The following CHRNB1 variants were observed in gnomAD, a reference collection of about 807,000 sequenced individuals.
CHRNB1 encodes acetylcholine receptor subunit beta.
A neutral mutation model predicts 53.8 loss-of-function variants in CHRNB1; 47 were observed. That is an observed-to-expected ratio of 0.87 (90% CI 0.69 to 1.11). The LOEUF is 1.11. Ranked by LOEUF, CHRNB1 falls within the 50% of genes most tolerant of loss-of-function variation. The pLI is 0.00. For missense variants in CHRNB1, 605 were observed against 654.9 expected, an observed-to-expected ratio of 0.92 and a Z score of 0.83; for synonymous variants, 259 against 263.5, an observed-to-expected ratio of 0.98 and a Z score of 0.16.
Position 7,445,628 on chromosome 17 carries a change from C to T in CHRNB1, c.198+219C>T. 1.4e-6 allele frequency: 2 copies of T among 1,432,908 alleles called. No individual in the cohort carries two copies. The highest frequency in any genetic ancestry group is 1.8e-6 in the Non-Finnish European group (2 of 1,094,480). 88.8% of individuals were successfully genotyped at this position (1,432,908 alleles called of 1,614,324 possible). A position where few individuals can be genotyped will look rare whatever the true frequency, so the allele number is the denominator to read the frequency against. ...GAGTAGAACTGGGTAGGGTGAAGGA[C>T]GGACCTGTGATCGGACCTTAAAGTG... On this transcript the variant is annotated intron_variant, in intron 2 of 10. Coordinates refer to ENST00000306071, the MANE Select transcript of CHRNB1 (RefSeq NM_000747.3). The surrounding 1 kb of genome is among the most constrained non-coding windows in gnomAD (Gnocchi z 5.7).
intron 9 of CHRNB1, 120 bp downstream of exon 9, chr17:7,455,576 G>C: frequency 7.6e-7 from 1 of 1,318,952 alleles, no homozygotes; most frequent in African/African-American, 1.4e-5. Flanking sequence ...CATGGGAGTT[G>C]TAGTACTCCT....
intron 7 of CHRNB1, among the ~76,000 whole-genome samples, chr17:7,453,279 A>T (rs1354148448): frequency 6.6e-6 from 1 of 151,836 alleles, no homozygotes; most frequent in African/African-American, 2.4e-5. Context: ...CACCATGCCC[A>T]GCTAATTTTT....
At chr17:7,451,759 G>A (rs1054294258) in intron 7 of CHRNB1, among the ~76,000 whole-genome samples, 2 of 152,154 alleles carry the variant, frequency 1.3e-5, no homozygotes, top group Non-Finnish European at 1.5e-5. Flanking sequence ...GCTATGCAAG[G>A]TTCTCTTGCC....
rs187126790 is a variant in CHRNB1, at chr17:7,455,081, G to A, written c.1045-203G>A. Among the ~76,000 whole-genome samples, 123 of 152,082 alleles carry A rather than the reference G, an allele frequency of 8.1e-4. 1 individual carries two copies. The highest frequency in any genetic ancestry group is 2.7e-3 in the African/African-American group (113 of 41,464). On this transcript the variant is annotated intron_variant, in intron 8 of 10. Coordinates refer to ENST00000306071, the MANE Select transcript of CHRNB1 (RefSeq NM_000747.3). ...GCTTCCCAAAGTGCTGCGATTACAG[G>A]CGTGAGCCACCGCGACAGGCCCAAC...
At chr17:7,449,705 C>T (rs1478733220) in intron 7 of CHRNB1, among the ~76,000 whole-genome samples, 5 of 151,910 alleles carry the variant, frequency 3.3e-5, no homozygotes, top group African/African-American at 4.8e-5. Context: ...CCACCGCGCT[C>T]GGCCCCCACT....
In CHRNB1 at chr17:7,455,413, A is replaced by T. The variant is rs1200139179; in HGVS notation, c.1174A>T (p.Ile392Phe). ...GWGRGTDEYF[I>F]RKPPSDFLFP... ...GGGTCGGGGAACAGATGAATATTTC[A>T]TCCGGAAGCCGCCAAGTGATTTTCT... is the stretch of plus-strand genomic sequence containing the variant. The change falls in exon 9 of 11, where the codon ATC becomes TTC. Residue 392 changes from isoleucine to phenylalanine, a missense_variant. Ile to Phe is a conservative substitution (Grantham distance 21). Transcript: ENST00000306071. 6.2e-7 allele frequency: 1 copy of T among 1,614,126 alleles called. No homozygotes were observed. Among genetic ancestry groups the T allele is most frequent in the Non-Finnish European group, 8.5e-7 (1 of 1,180,036 alleles).
chr17:7,456,962 C>T lies in CHRNB1; in HGVS notation c.*239C>T, dbSNP rs565720830. ...GAAGAAGCTCTTTTGGGTATCAACA[C>T]CTAGGTCGCCAGTGAAATAGAACAC... On this transcript the variant is annotated 3_prime_UTR_variant, in exon 11 of 11. Transcript: ENST00000306071. The T allele has an allele frequency of 3.6e-6, 2 of 555,982 alleles. No individual in the cohort carries two copies. Among genetic ancestry groups the T allele is most frequent in the East Asian group, 6.3e-5 (2 of 31,708 alleles). The allele number at this position is 555,982 out of a possible 1,614,324, so 34.4% of individuals were successfully genotyped here.
chr17:7,452,595 G>A (rs1477025113), intron 7 of CHRNB1, among the ~76,000 whole-genome samples: 1 of 152,212 alleles, frequency 6.6e-6, no homozygotes, highest in Non-Finnish European at 1.5e-5. Context: ...TCACGAGTGT[G>A]CCATGTCAGT....
At chr17:7,452,589 G>A (rs751659505) in intron 7 of CHRNB1, among the ~76,000 whole-genome samples, 61 of 152,164 alleles carry the variant, frequency 4.0e-4, no homozygotes, top group Non-Finnish European at 1.0e-4. Context: ...ACATACTCAC[G>A]AGTGTGCCAT....
Position 7,445,992 on chromosome 17 carries a change from A to C in CHRNB1, c.199-77A>C. On this transcript the variant is annotated intron_variant, in intron 2 of 10. Coordinates refer to ENST00000306071, the MANE Select transcript of CHRNB1 (RefSeq NM_000747.3). The surrounding 1 kb of genome is among the most constrained non-coding windows in gnomAD (Gnocchi z 5.7). The stretch of plus-strand genomic sequence containing the variant: ...AGAAAAAGGGGGCGGCGTTCCCAGG[A>C]GAGAGGTTGGCCCCCCGAGCCCCCT... The C allele has an allele frequency of 7.7e-7, 1 of 1,290,710 alleles. No homozygotes were observed. Among genetic ancestry groups the C allele is most frequent in the Non-Finnish European group, 1.1e-6 (1 of 886,144 alleles). 80.0% of individuals were successfully genotyped at this position (1,290,710 alleles called of 1,614,324 possible).
intron 9 of CHRNB1, 164 bp from the exon 10 acceptor site, chr17:7,455,630 G>T: frequency 8.2e-7 from 1 of 1,221,116 alleles, no homozygotes; most frequent in Non-Finnish European, 1.2e-6. Flanking sequence ...CAGAGGCGGT[G>T]GAAGAAGTTG....
chr17:7,446,875 G>A lies in CHRNB1; in HGVS notation c.286G>A (p.Asp96Asn). The A allele has an allele frequency of 6.2e-7, 1 of 1,613,990 alleles. No individual in the cohort carries two copies. The highest frequency in any genetic ancestry group is 2.2e-5 in the East Asian group (1 of 44,884). ...GCTGAGCTGGGACCCTGCGGAGCAC[G>A]ACGGCATCGATTCGCTCCGCATCAC... ...YRLSWDPAEH[D>N]GIDSLRITAE... The change falls in exon 4 of 11, where the codon GAC becomes AAC. Residue 96 changes from aspartate (D) to asparagine (N), a missense_variant. By Grantham distance (23) the Asp-to-Asn change is conservative. Transcript: ENST00000306071.
rs543581079 is a variant in CHRNB1, at chr17:7,455,557, G to A, written c.1217+101G>A. ...GCCCATGCTCTCGGAAGACGCTGTG[G>A]TTGAGCATCATGGGAGTTGTAGTAC... is the stretch of plus-strand genomic sequence containing the variant. On this transcript the variant is annotated intron_variant, in intron 9 of 10. Transcript: ENST00000306071. 3.9e-4 allele frequency: 560 copies of A among 1,446,848 alleles called. 1 individual carries two copies. The highest frequency in any genetic ancestry group is 5.2e-4 in the Non-Finnish European group (535 of 1,032,036). The allele number at this position is 1,446,848 out of a possible 1,614,324, so 89.6% of individuals were successfully genotyped here. A position where few individuals can be genotyped will look rare whatever the true frequency, so the allele number is the denominator to read the frequency against.
At chr17:7,456,521 T>C in intron 10 of CHRNB1, 62 bp from the exon 11 acceptor site, 1 of 1,605,194 alleles carries the variant, frequency 6.2e-7, no homozygotes, top group Non-Finnish European at 8.5e-7. Context: ...GGCGGGGAAA[T>C]GGGGGGGTTT....
chr17:7,446,877 C>G lies in CHRNB1; in HGVS notation c.288C>G (p.Asp96Glu). ...TGAGCTGGGACCCTGCGGAGCACGA[C>G]GGCATCGATTCGCTCCGCATCACGG... ...YRLSWDPAEH[D>E]GIDSLRITAE... is the part of the protein sequence containing the mutation. Residue 96 changes from aspartate to glutamate, a missense_variant, in exon 4 of 11, where the codon GAC becomes GAG. By Grantham distance (45) the Asp-to-Glu change is conservative. Coordinates refer to ENST00000306071, the MANE Select transcript of CHRNB1 (RefSeq NM_000747.3). The G allele has an allele frequency of 6.2e-7, 1 of 1,613,996 alleles. No individual in the cohort carries two copies. Among genetic ancestry groups the G allele is most frequent in the Non-Finnish European group, 8.5e-7 (1 of 1,180,018 alleles).
chr17:7,454,227 T>G (rs1462264239), intron 7 of CHRNB1, 70 bp from the exon 8 acceptor site: 4 of 1,263,200 alleles, frequency 3.2e-6, no homozygotes, highest in Non-Finnish European at 4.6e-6. Context: ...GGAAACATGG[T>G]CACTGATTAT....
At position 7,446,731 on chromosome 17, in the gene CHRNB1, C is replaced by A. The variant is rs7215056; in HGVS notation, c.244-102C>A. ...CCCTTGACCCACAGTTTATGCCTGT[C>A]CTGCTCCCCTTCCTTGCACTCCCTT... On this transcript the variant is annotated intron_variant, in intron 3 of 10. Coordinates refer to ENST00000306071, the MANE Select transcript of CHRNB1 (RefSeq NM_000747.3). 0.2 allele frequency: 175,688 copies of A among 877,248 alleles called. 19,022 individuals carry two copies. The highest frequency in any genetic ancestry group is 0.27 in the South Asian group (19,148 of 70,260). The allele number at this position is 877,248 out of a possible 1,614,324, so 54.3% of individuals were successfully genotyped here.
At chr17:7,455,179 C>A in intron 8 of CHRNB1, 105 bp from the exon 9 acceptor site, 2 of 1,269,082 alleles carry the variant, frequency 1.6e-6, no homozygotes, top group South Asian at 1.2e-5. Flanking sequence ...TATGCACGCA[C>A]ATACTCACGC....
intron 7 of CHRNB1, among the ~76,000 whole-genome samples, chr17:7,453,849 T>C (rs2150842167): frequency 6.6e-6 from 1 of 151,570 alleles, no homozygotes; most frequent in East Asian, 2.0e-4. Context: ...TCACTTGAGC[T>C]CAGGAGTTTG....
Sources: gnomAD v4.1 joint callset for allele counts (sites outside exome capture counted in the v4.1 genomes callset) on GRCh38, gnomAD v4.1.1 for gene constraint, Gnocchi (gnomAD v3.1) non-coding constraint, MANE v1.5 for transcripts, NCBI Gene and HGNC (gene_info 2026-07-23, HGNC 2026-07-21) for gene names.